The following SCHIP1 variants were observed in gnomAD, a reference collection of about 807,000 sequenced individuals.
The protein encoded by SCHIP1 is schwannomin interacting protein 1.
In SCHIP1, 8 loss-of-function variants were observed where a neutral mutation model predicts 29.7. The observed-to-expected ratio is 0.27, with a 90% CI of 0.16 to 0.49. SCHIP1 has a LOEUF of 0.49. Ranked by LOEUF, SCHIP1 falls within the 20% of genes least tolerant of loss-of-function variation. SCHIP1 has a pLI of 0.99. For missense variants in SCHIP1, 193 were observed against 294.6 expected, an observed-to-expected ratio of 0.66 and a Z score of 2.52; for synonymous variants, 76 against 94.9, an observed-to-expected ratio of 0.80 and a Z score of 1.16.
the SCHIP1 span, among the ~76,000 whole-genome samples, chr3:159,442,523 A>G: frequency 6.6e-6 from 1 of 152,302 alleles, no homozygotes; most frequent in South Asian, 2.1e-4. Flanking sequence ...AGCGTTTTAC[A>G]TGAAAAGGAA....
At chr3:159,540,767 C>A in the SCHIP1 span, among the ~76,000 whole-genome samples, 5 of 152,042 alleles carry the variant, frequency 3.3e-5, no homozygotes, top group Non-Finnish European at 7.4e-5. Context: ...TAAACATTTA[C>A]GTTTTAATTT....
the SCHIP1 span, among the ~76,000 whole-genome samples, chr3:159,331,691 C>A: frequency 6.6e-6 from 1 of 152,064 alleles, no homozygotes; most frequent in African/African-American, 2.4e-5. Flanking sequence ...ACTTTTTTCT[C>A]TCACCACACT....
chr3:159,599,993 C>T, the SCHIP1 span, among the ~76,000 whole-genome samples: 12 of 152,112 alleles, frequency 7.9e-5, no homozygotes, highest in African/African-American at 2.2e-4. Context: ...AGATAGTATC[C>T]TTGGTTGATA....
At chr3:159,294,578 C>A in the SCHIP1 span, among the ~76,000 whole-genome samples, 1 of 152,150 alleles carries the variant, frequency 6.6e-6, no homozygotes, top group African/African-American at 2.4e-5. Context: ...TCTGCATATG[C>A]AGACAATTGA....
the SCHIP1 span, among the ~76,000 whole-genome samples, chr3:159,330,472 A>T: frequency 4.6e-5 from 7 of 152,308 alleles, no homozygotes; most frequent in African/African-American, 1.7e-4. Flanking sequence ...GGTGCAGTTG[A>T]GGTATCCTAA....
At chr3:159,682,341 T>C in the SCHIP1 span, among the ~76,000 whole-genome samples, 4 of 152,170 alleles carry the variant, frequency 2.6e-5, no homozygotes, top group Non-Finnish European at 4.4e-5. Context: ...GAAAAGCCAA[T>C]TGAGCATAAA....
At chr3:159,668,391 A>AAAAAAAAAAAAAAAAAAAAAAAAAC in the SCHIP1 span, among the ~76,000 whole-genome samples, 1 of 150,718 alleles carries the variant, frequency 6.6e-6, no homozygotes, top group African/African-American at 2.5e-5. Context: ...AAAAAAAAAA[A>AAAAAAAAAAAAAAAAAAAAAAAAAC]AAAAAGAGTG....
chr3:159,778,160 A>AT, the SCHIP1 span, among the ~76,000 whole-genome samples: 1 of 151,974 alleles, frequency 6.6e-6, no homozygotes, highest in South Asian at 2.1e-4. Flanking sequence ...CGCCCAGCTA[A>AT]TTTTTTGTAT....
At chr3:159,460,290 A>T in the SCHIP1 span, among the ~76,000 whole-genome samples, 2 of 152,176 alleles carry the variant, frequency 1.3e-5, no homozygotes, top group Non-Finnish European at 2.9e-5. Flanking sequence ...CACACCCCTG[A>T]GGGTGGGTGA....
the SCHIP1 span, among the ~76,000 whole-genome samples, chr3:159,777,569 T>C: frequency 6.6e-6 from 1 of 152,292 alleles, no homozygotes; most frequent in African/African-American, 2.4e-5. Context: ...TGATTTGTTA[T>C]TTGTAGTCAG....
At chr3:159,397,225 AT>A in the SCHIP1 span, among the ~76,000 whole-genome samples, 17 of 151,174 alleles carry the variant, frequency 1.1e-4, no homozygotes, top group East Asian at 2.7e-3. Flanking sequence ...CATTCTTCTA[AT>A]TTTTTTTCAA....
chr3:159,645,745 T>C, the SCHIP1 span, among the ~76,000 whole-genome samples: 124 of 152,128 alleles, frequency 8.2e-4, no homozygotes, highest in African/African-American at 2.8e-3. Context: ...GAAATACCAC[T>C]GAGCAAAAAG....
chr3:159,820,251 G>A, the SCHIP1 span, among the ~76,000 whole-genome samples: 1 of 152,028 alleles, frequency 6.6e-6, no homozygotes, highest in African/African-American at 2.4e-5. Flanking sequence ...TGATTTGGGG[G>A]GTAAAGGAGC....
the SCHIP1 span, among the ~76,000 whole-genome samples, chr3:159,631,793 C>T: frequency 6.6e-6 from 1 of 152,056 alleles, no homozygotes; most frequent in Non-Finnish European, 1.5e-5. Context: ...CTGAATTTTA[C>T]ACTTAAACAT....
the SCHIP1 span, among the ~76,000 whole-genome samples, chr3:159,336,951 G>A: frequency 2.0e-5 from 3 of 152,044 alleles, no homozygotes; most frequent in Non-Finnish European, 2.9e-5. Context: ...CCATTTTCAC[G>A]ATATTGATTC....
the SCHIP1 span, among the ~76,000 whole-genome samples, chr3:159,668,376 CAAAAA>C: frequency 2.2e-5 from 1 of 46,408 alleles, no homozygotes; most frequent in Non-Finnish European, 4.3e-5. Context: ...GACTCCGTCT[CAAAAA>C]AAAAAAAAAA....
At chr3:159,349,166 T>G in the SCHIP1 span, among the ~76,000 whole-genome samples, 1 of 152,216 alleles carries the variant, frequency 6.6e-6, no homozygotes, top group Non-Finnish European at 1.5e-5. Flanking sequence ...TTTTCAAGAT[T>G]GGTGATGATT....
At chr3:159,635,192 C>G in the SCHIP1 span, among the ~76,000 whole-genome samples, 1 of 152,156 alleles carries the variant, frequency 6.6e-6, no homozygotes, top group African/African-American at 2.4e-5. Context: ...TATCATTTAT[C>G]TATGAGTGAT....
At chr3:159,753,795 T>G in the SCHIP1 span, among the ~76,000 whole-genome samples, 2 of 152,220 alleles carry the variant, frequency 1.3e-5, no homozygotes, top group Admixed American at 6.5e-5. Context: ...CACTGTTTCT[T>G]ACTCCAGCTT....
Sources: allele counts gnomAD v4.1 joint callset (sites outside exome capture counted in the v4.1 genomes callset), GRCh38; gene constraint gnomAD v4.1.1; transcripts MANE v1.5; gene names NCBI Gene and HGNC (gene_info 2026-07-23, HGNC 2026-07-21).